ERBIN: variants seen among roughly 807,000 people sequenced by gnomAD.
ERBIN encodes the protein densin-180-like protein.
A neutral mutation model predicts 158.4 loss-of-function variants in ERBIN; 60 were observed. That is an observed-to-expected ratio of 0.38 (90% CI 0.31 to 0.47). ERBIN has a LOEUF of 0.47. Ranked by LOEUF, ERBIN falls within the 20% of genes least tolerant of loss-of-function variation. The pLI, the probability that ERBIN is intolerant of heterozygous loss-of-function variation, is 0.99. For synonymous variants in ERBIN, 594 were observed against 557.2 expected (o/e 1.07, Z -0.93); for missense variants, 1,610 against 1,648.0 (o/e 0.98, Z 0.40).
At chr5:65,962,887 C>T (rs1203643912) in intron 1 of ERBIN, among the ~76,000 whole-genome samples, 1 of 152,094 alleles carries the variant, frequency 6.6e-6, no homozygotes, top group African/African-American at 2.4e-5. Flanking sequence ...AGGATTGTTT[C>T]ATTTAGTCTA....
intron 13 of ERBIN, among the ~76,000 whole-genome samples, chr5:66,026,643 T>G (rs941045523): frequency 7.2e-5 from 11 of 152,008 alleles, no homozygotes; most frequent in African/African-American, 2.7e-4. Flanking sequence ...TGACATTATT[T>G]GAGAACCTGC....
At position 65,985,667 on chromosome 5, in the gene ERBIN, T is replaced by C. The variant is rs555524742; in HGVS notation, c.-57-2968T>C. On this transcript the variant is annotated intron_variant, in intron 1 of 25. Coordinates refer to ENST00000284037, the MANE Select transcript of ERBIN (RefSeq NM_001253697.2). ...CTCTTTCTCTACTAGATTGTTTCTA[T>C]CTATCTGTCTACAAATCTGCTGTTG... 2.6e-5 allele frequency among the ~76,000 whole-genome samples: 4 copies of C among 152,346 alleles called. No individual in the cohort carries two copies. The East Asian group carries it at 7.7e-4, about 29-fold the overall frequency.
chr5:66,032,439 A>G (rs1756982951), intron 14 of ERBIN, among the ~76,000 whole-genome samples: 2 of 152,190 alleles, frequency 1.3e-5, no homozygotes, highest in Admixed American at 1.3e-4. Context: ...TGATAATTAC[A>G]TGAGAACAAC....
chr5:65,948,762 GTTTTTTTT>G (rs59712256), intron 1 of ERBIN, among the ~76,000 whole-genome samples: 1 of 105,624 alleles, frequency 9.5e-6, no homozygotes, highest in Admixed American at 1.2e-4. Context: ...TCTGTTTTGC[GTTTTTTTT>G]TTTTTTTTTT....
rs192971117 is a variant in ERBIN, at chr5:66,077,012, A to G, written c.4131+63A>G. On this transcript the variant is annotated intron_variant, in intron 25 of 25. Coordinates refer to ENST00000284037, the MANE Select transcript of ERBIN (RefSeq NM_001253697.2). The stretch of plus-strand genomic sequence containing the variant: ...CACTCTAATGTTTTCACAGTTTAAA[A>G]TGTTTTCACTTTAACTTTGAAAATT... The G allele has an allele frequency of 9.3e-4, 1,172 of 1,258,450 alleles. 3 individuals carry two copies. Among genetic ancestry groups the G allele is most frequent in the Non-Finnish European group, 1.2e-3 (1,036 of 884,610 alleles). The allele number at this position is 1,258,450 out of a possible 1,614,324, so 78.0% of individuals were successfully genotyped here. A position where few individuals can be genotyped will look rare whatever the true frequency, so the allele number is the denominator to read the frequency against.
intron 9 of ERBIN, among the ~76,000 whole-genome samples, chr5:66,023,673 A>T (rs1014865110): frequency 4.6e-5 from 6 of 131,604 alleles, no homozygotes; most frequent in African/African-American, 8.6e-5. Context: ...AACTTTCTGA[A>T]TTTTTTTTTT....
chr5:66,015,531 G>T (rs1754623641), intron 7 of ERBIN, among the ~76,000 whole-genome samples: 1 of 152,036 alleles, frequency 6.6e-6, no homozygotes, highest in Admixed American at 6.6e-5. Flanking sequence ...ATCACTGTAG[G>T]CCCTAAAATT....
intron 1 of ERBIN, among the ~76,000 whole-genome samples, chr5:65,965,424 G>C (rs1173863263): frequency 2.1e-5 from 1 of 47,426 alleles, no homozygotes; most frequent in African/African-American, 7.2e-5. Flanking sequence ...TTTTTTTTTT[G>C]AGACGGAGTC....
intron 7 of ERBIN, among the ~76,000 whole-genome samples, 170 bp downstream of exon 7, chr5:66,014,895 T>C (rs986700507): frequency 6.6e-6 from 1 of 152,216 alleles, no homozygotes; most frequent in Non-Finnish European, 1.5e-5. Context: ...TGTATGTGTC[T>C]GTTGTTGGTG....
At chr5:66,022,082 A>C (rs73763065) in intron 8 of ERBIN, among the ~76,000 whole-genome samples, 6,125 of 152,106 alleles carry the variant, frequency 0.04, 421 homozygotes, top group African/African-American at 0.14. Context: ...GATGGTTTTA[A>C]GCCTAGGAAT....
intron 23 of ERBIN, among the ~76,000 whole-genome samples, chr5:66,075,725 T>G (rs1761923164): frequency 6.6e-6 from 1 of 152,224 alleles, no homozygotes. Flanking sequence ...TTATTCATTT[T>G]GGTTGTGTCT....
chr5:66,070,589 T>A (rs1434875596), intron 21 of ERBIN, among the ~76,000 whole-genome samples: 5 of 152,190 alleles, frequency 3.3e-5, no homozygotes, highest in Non-Finnish European at 5.9e-5. Context: ...GCTTGTTCTT[T>A]TAAAAAGTAG....
chr5:66,044,240 A>G lies in ERBIN; in HGVS notation c.1532A>G (p.Asn511Ser), dbSNP rs139446586. 46 of 1,612,438 alleles carry G rather than the reference A, an allele frequency of 2.9e-5. No individual in the cohort carries two copies. Among genetic ancestry groups the G allele is most frequent in the African/African-American group, 1.5e-4 (11 of 74,962 alleles). Reference sequence around the variant, plus strand: ...CATAGATTAAAAGATGAAGAGACCAATGAAGACTCAGGAAGAGATTTGAAA... The same window carrying G: ...CATAGATTAAAAGATGAAGAGACCAGTGAAGACTCAGGAAGAGATTTGAAA... ...IVHRLKDEETNEDSGRDLKPH... is the reference protein window; with the variant it reads ...IVHRLKDEETSEDSGRDLKPH... Residue 511 changes from asparagine (N) to serine (S), a missense_variant, in exon 17 of 26, where the codon AAT becomes AGT. Asn to Ser is a conservative substitution (Grantham distance 46). Around this residue, in one of 2 missense-constraint regions of ERBIN, gnomAD observed 596 missense variants for 711.9 expected, o/e 0.84. Coordinates refer to ENST00000284037, the MANE Select transcript of ERBIN (RefSeq NM_001253697.2).
intron 1 of ERBIN, among the ~76,000 whole-genome samples, chr5:65,936,873 C>T (rs779501305): frequency 6.6e-6 from 1 of 152,178 alleles, no homozygotes; most frequent in Non-Finnish European, 1.5e-5. Flanking sequence ...GAATCAAATT[C>T]CCTCTGAAGA....
chr5:65,961,196 A>G (rs905025343), intron 1 of ERBIN: 17 of 152,316 alleles, frequency 1.1e-4, no homozygotes, highest in Admixed American at 3.9e-4. Flanking sequence ...CTTTGCTCCC[A>G]GTTAAAAGGG....
chr5:65,999,508 T>C (rs16894700), intron 4 of ERBIN, among the ~76,000 whole-genome samples: 6,485 of 152,302 alleles, frequency 0.043, 478 homozygotes, highest in African/African-American at 0.15. Context: ...TTATCACTCT[T>C]GAGAAATTTA....
intron 14 of ERBIN, among the ~76,000 whole-genome samples, chr5:66,036,884 T>C (rs1273245699): frequency 6.6e-6 from 1 of 152,228 alleles, no homozygotes; most frequent in Non-Finnish European, 1.5e-5. Flanking sequence ...AGATATACTG[T>C]TCTCATTCCT....
chr5:65,975,263 C>A (rs1341834570), intron 1 of ERBIN, among the ~76,000 whole-genome samples: 2 of 152,108 alleles, frequency 1.3e-5, no homozygotes, highest in Middle Eastern at 6.3e-3. Flanking sequence ...CTGCCTCGGC[C>A]TCCCAAAGTG....
intron 25 of ERBIN, 29 bp from the exon 26 acceptor site, chr5:66,078,394 T>C: frequency 2.9e-6 from 4 of 1,365,860 alleles, no homozygotes; most frequent in Non-Finnish European, 4.1e-6. Context: ...TATAAAATGT[T>C]TTTCCTAAAA....
Sources: allele counts gnomAD v4.1 joint callset (sites outside exome capture counted in the v4.1 genomes callset), GRCh38; gene constraint gnomAD v4.1.1; regional missense constraint gnomAD v4.1.1; transcripts MANE v1.5; gene names NCBI Gene and HGNC (gene_info 2026-07-23, HGNC 2026-07-21).